The following SUGCT variants were observed in gnomAD, a reference collection of about 807,000 sequenced individuals.
SUGCT encodes succinyl-CoA:glutarate-CoA transferase, also known as succinyl-CoA:glutarate CoA-transferase.
A neutral mutation model predicts 55.0 loss-of-function variants in SUGCT; 41 were observed. That is an observed-to-expected ratio of 0.74 (90% confidence interval 0.58 to 0.97). The LOEUF is 0.97. Ranked by LOEUF, SUGCT falls within the 50% of genes least tolerant of loss-of-function variation. The probability of loss-of-function intolerance (pLI) is 0.00; values close to 1 mark genes in which losing one functional copy is unlikely to be tolerated. For missense variants in SUGCT, 568 were observed against 547.8 expected, an observed-to-expected ratio of 1.04 and a Z score of -0.37; for synonymous variants, 187 against 200.4, an observed-to-expected ratio of 0.93 and a Z score of 0.56.
chr7:40,643,561 C>G (rs1011675737), intron 12 of SUGCT, among the ~76,000 whole-genome samples: 1 of 152,134 alleles, frequency 6.6e-6, no homozygotes, highest in East Asian at 1.9e-4. Flanking sequence ...TGTTTTGTAT[C>G]TGAAGAAAGA....
chr7:40,906,354 T>C, the SUGCT span, among the ~76,000 whole-genome samples: 2 of 152,116 alleles, frequency 1.3e-5, no homozygotes, highest in Non-Finnish European at 2.9e-5. Context: ...GGGGAAACAT[T>C]GGCCAAAGGA....
At chr7:40,359,862 T>C (rs940257825) in intron 9 of SUGCT, among the ~76,000 whole-genome samples, 2 of 152,188 alleles carry the variant, frequency 1.3e-5, no homozygotes, top group Non-Finnish European at 2.9e-5. Flanking sequence ...ACTTTAATAT[T>C]TTAAAATTTA....
intron 12 of SUGCT, among the ~76,000 whole-genome samples, chr7:40,500,801 A>G (rs75466952): frequency 0.019 from 2,819 of 152,202 alleles, 86 homozygotes; most frequent in African/African-American, 0.064. Flanking sequence ...ATGTTCATAT[A>G]GCAAACTTCA....
At chr7:40,168,513 A>G (rs1197504812) in intron 1 of SUGCT, among the ~76,000 whole-genome samples, 1 of 152,210 alleles carries the variant, frequency 6.6e-6, no homozygotes, top group Non-Finnish European at 1.5e-5. Context: ...GAGGTTAAAG[A>G]TACAGGGATT....
chr7:40,926,384 A>G, the SUGCT span, among the ~76,000 whole-genome samples: 5 of 152,174 alleles, frequency 3.3e-5, no homozygotes, highest in African/African-American at 1.2e-4. Context: ...AAATGTTACT[A>G]GATTCATAGA....
chr7:40,680,401 T>C (rs1332439884), intron 12 of SUGCT, among the ~76,000 whole-genome samples: 1 of 152,172 alleles, frequency 6.6e-6, no homozygotes, highest in African/African-American at 2.4e-5. Context: ...GAGTGTTACT[T>C]AGAAGTCTGT....
At chr7:41,004,826 C>T in the SUGCT span, among the ~76,000 whole-genome samples, 2 of 152,014 alleles carry the variant, frequency 1.3e-5, no homozygotes, top group African/African-American at 4.8e-5. Context: ...TAACTGGCAT[C>T]TCAATATTCT....
intron 9 of SUGCT, among the ~76,000 whole-genome samples, chr7:40,372,748 C>G (rs1784351353): frequency 1.3e-5 from 2 of 151,966 alleles, no homozygotes; most frequent in African/African-American, 4.8e-5. Flanking sequence ...AGAATGTTCT[C>G]TAACAGAATG....
the SUGCT span, among the ~76,000 whole-genome samples, chr7:40,996,622 A>T: frequency 6.6e-6 from 1 of 152,144 alleles, no homozygotes; most frequent in Non-Finnish European, 1.5e-5. Context: ...CTGTCCTGCA[A>T]TTTTACCATT....
At chr7:41,034,233 G>A in the SUGCT span, among the ~76,000 whole-genome samples, 7 of 152,314 alleles carry the variant, frequency 4.6e-5, no homozygotes, top group South Asian at 1.0e-3. Context: ...TCAGCAGTGC[G>A]TGCGTATGTG....
chr7:40,586,992 A>G (rs1467483231), intron 12 of SUGCT, among the ~76,000 whole-genome samples: 1 of 152,266 alleles, frequency 6.6e-6, no homozygotes, highest in Non-Finnish European at 1.5e-5. Context: ...ATGTAACAAC[A>G]TGGATGAATC....
intron 11 of SUGCT, among the ~76,000 whole-genome samples, chr7:40,462,950 A>T (rs1789883534): frequency 6.6e-6 from 1 of 152,098 alleles, no homozygotes; most frequent in Non-Finnish European, 1.5e-5. Context: ...TGTACCTGTT[A>T]CTCATTTATT....
At chr7:40,209,744 C>T (rs1003503733) in intron 6 of SUGCT, among the ~76,000 whole-genome samples, 8 of 151,974 alleles carry the variant, frequency 5.3e-5, no homozygotes, top group South Asian at 2.1e-4. Flanking sequence ...TACAGTGAGC[C>T]GAGATCGTGC....
chr7:40,925,068 C>G, the SUGCT span, among the ~76,000 whole-genome samples: 1 of 152,120 alleles, frequency 6.6e-6, no homozygotes, highest in Non-Finnish European at 1.5e-5. Context: ...TTTGCAGTCT[C>G]TGTTTTTAGA....
chr7:40,625,757 G>A (rs750839120), intron 12 of SUGCT, among the ~76,000 whole-genome samples: 2 of 152,090 alleles, frequency 1.3e-5, no homozygotes, highest in African/African-American at 2.4e-5. Context: ...GCGGATTGGC[G>A]GGGTTTAAGC....
At chr7:40,139,656 G>C (rs1265945090) in intron 1 of SUGCT, among the ~76,000 whole-genome samples, 1 of 152,164 alleles carries the variant, frequency 6.6e-6, no homozygotes, top group East Asian at 1.9e-4. Flanking sequence ...GTAGTTTGCA[G>C]ATATTTTCTT....
At chr7:40,148,932 A>T (rs1304146124) in intron 1 of SUGCT, among the ~76,000 whole-genome samples, 1 of 152,158 alleles carries the variant, frequency 6.6e-6, no homozygotes, top group South Asian at 2.1e-4. Context: ...TTCAGTTCTG[A>T]TTACATTCTT....
chr7:40,898,787 A>C, the SUGCT span, among the ~76,000 whole-genome samples: 4 of 152,032 alleles, frequency 2.6e-5, no homozygotes, highest in African/African-American at 9.7e-5. Flanking sequence ...TGGACACAAA[A>C]TGGGGTGGAG....
At chr7:41,019,875 A>G in the SUGCT span, among the ~76,000 whole-genome samples, 5 of 152,184 alleles carry the variant, frequency 3.3e-5, no homozygotes, top group African/African-American at 1.2e-4. Context: ...TCAAAACAGG[A>G]TTTTAATAAG....
Sources: gnomAD v4.1 joint callset for allele counts (sites outside exome capture counted in the v4.1 genomes callset) on GRCh38, gnomAD v4.1.1 for gene constraint, MANE v1.5 for transcripts, NCBI Gene and HGNC (gene_info 2026-07-23, HGNC 2026-07-21) for gene names.